PIGU: variants seen among roughly 807,000 people sequenced by gnomAD.
PIGU encodes phosphatidylinositol glycan anchor biosynthesis class U.
PIGU carries 24 observed loss-of-function variants against 49.9 expected under a neutral mutation model. The ratio of observed to expected loss-of-function variants is 0.48; its 90% confidence interval spans 0.35 to 0.68. PIGU has a LOEUF of 0.68. PIGU is among the 30% of genes least tolerant of loss of function. PIGU has a pLI of 0.01. For missense variants in PIGU, 490 were observed against 532.6 expected, an observed-to-expected ratio of 0.92 and a Z score of 0.79; for synonymous variants, 220 against 205.7, an observed-to-expected ratio of 1.07 and a Z score of -0.59.
At chr20:34,644,022 G>C in intron 4 of PIGU, 142 bp downstream of exon 4, 2 of 685,932 alleles carry the variant, frequency 2.9e-6, no homozygotes, top group Admixed American at 2.5e-5. Context: ...TCATTCCAGA[G>C]CTGGCTGAAC....
chr20:34,575,553 G>A (rs1477148246), intron 10 of PIGU, among the ~76,000 whole-genome samples: 3 of 152,128 alleles, frequency 2.0e-5, no homozygotes, highest in Non-Finnish European at 1.5e-5. Flanking sequence ...GGGCATTTCA[G>A]GAAGATATTC....
chr20:34,627,778 T>C (rs1985548799), intron 6 of PIGU, among the ~76,000 whole-genome samples: 1 of 152,144 alleles, frequency 6.6e-6, no homozygotes, highest in African/African-American at 2.4e-5. Context: ...CCTTGATAAA[T>C]GACAACCTAT....
intron 6 of PIGU, among the ~76,000 whole-genome samples, chr20:34,629,783 AAAT>A (rs762354451): frequency 2.0e-4 from 30 of 152,344 alleles, no homozygotes; most frequent in Admixed American, 3.9e-4. Flanking sequence ...TTTTAGTTAA[AAAT>A]AATAGATTGA....
chr20:34,638,604 TGAA>T (rs1446204061), intron 4 of PIGU, among the ~76,000 whole-genome samples: 1 of 152,180 alleles, frequency 6.6e-6, no homozygotes, highest in Non-Finnish European at 1.5e-5. Context: ...GTTCCATCCA[TGAA>T]GAAGTATTGT....
At chr20:34,674,290 G>A (rs189974543) in intron 1 of PIGU, among the ~76,000 whole-genome samples, 2 of 152,006 alleles carry the variant, frequency 1.3e-5, no homozygotes. Context: ...GGGAGGCGGA[G>A]GTTGCAGTGA....
intron 7 of PIGU, among the ~76,000 whole-genome samples, chr20:34,611,376 G>A (rs1474093526): frequency 2.6e-5 from 4 of 152,094 alleles, no homozygotes; most frequent in African/African-American, 7.2e-5. Flanking sequence ...GCCAGGTGCG[G>A]TGGCTTATGC....
At chr20:34,595,302 G>A (rs2146720981) in intron 7 of PIGU, among the ~76,000 whole-genome samples, 1 of 152,180 alleles carries the variant, frequency 6.6e-6, no homozygotes, top group East Asian at 1.9e-4. Context: ...AACATGTAGA[G>A]ATGTTTTTCT....
At chr20:34,637,514 C>T (rs562677263) in intron 5 of PIGU, among the ~76,000 whole-genome samples, 1 of 152,308 alleles carries the variant, frequency 6.6e-6, no homozygotes, top group Non-Finnish European at 1.5e-5. Context: ...AACATAAGAG[C>T]TGCTTGAAAT....
chr20:34,591,717 ATAT>A (rs1983996939), intron 7 of PIGU, among the ~76,000 whole-genome samples: 1 of 152,246 alleles, frequency 6.6e-6, no homozygotes, highest in East Asian at 1.9e-4. Context: ...AGTATACAAT[ATAT>A]TATTAACTAT....
chr20:34,667,531 C>T (rs113223602), intron 1 of PIGU, among the ~76,000 whole-genome samples: 10 of 151,016 alleles, frequency 6.6e-5, no homozygotes, highest in African/African-American at 1.7e-4. Context: ...AAGATGAAAG[C>T]GGTCCCAATG....
intron 7 of PIGU, among the ~76,000 whole-genome samples, chr20:34,609,754 G>A (rs1390032948): frequency 6.6e-6 from 1 of 152,112 alleles, no homozygotes; most frequent in African/African-American, 2.4e-5. Flanking sequence ...AGGCCCAGGT[G>A]ATATAATTTG....
chr20:34,604,221 A>G (rs1375920422), intron 7 of PIGU, among the ~76,000 whole-genome samples: 2 of 152,146 alleles, frequency 1.3e-5, no homozygotes, highest in Non-Finnish European at 2.9e-5. Flanking sequence ...ATATTTAGGG[A>G]AATTAAGAAT....
At chr20:34,595,291 G>A (rs1453128538) in intron 7 of PIGU, among the ~76,000 whole-genome samples, 1 of 152,024 alleles carries the variant, frequency 6.6e-6, no homozygotes, top group Non-Finnish European at 1.5e-5. Context: ...TGTCTGTACT[G>A]AACATGTAGA....
chr20:34,651,712 T>C (rs1028518878), intron 2 of PIGU, among the ~76,000 whole-genome samples: 11 of 152,180 alleles, frequency 7.2e-5, no homozygotes, highest in Non-Finnish European at 1.2e-4. Context: ...TATGCATGAA[T>C]GTGTCCTATA....
intron 7 of PIGU, among the ~76,000 whole-genome samples, chr20:34,603,935 A>G (rs1984523861): frequency 6.6e-6 from 1 of 151,898 alleles, no homozygotes; most frequent in Non-Finnish European, 1.5e-5. Context: ...AGTGAAGGTG[A>G]GAGAAATGAA....
intron 1 of PIGU, among the ~76,000 whole-genome samples, chr20:34,667,486 G>C (rs892121423): frequency 4.0e-5 from 6 of 151,722 alleles, no homozygotes; most frequent in African/African-American, 1.5e-4. Flanking sequence ...AAAAAAAAAA[G>C]TGAGATAGAG....
chr20:34,575,012 C>T (rs956836377), intron 11 of PIGU, 92 bp downstream of exon 11: 7 of 1,521,188 alleles, frequency 4.6e-6, no homozygotes, highest in Non-Finnish European at 6.3e-6. Context: ...GTCTGCACCC[C>T]CCGGTATGCA....
chr20:34,589,113 AC>A (rs1184768367), intron 7 of PIGU, among the ~76,000 whole-genome samples: 1 of 6,522 alleles, frequency 1.5e-4, no homozygotes, highest in East Asian at 4.8e-3. Context: ...TTACACACAC[AC>A]ACACACACAC....
At chr20:34,659,247 GAGGT>G (rs1986838869) in intron 1 of PIGU, among the ~76,000 whole-genome samples, 1 of 107,982 alleles carries the variant, frequency 9.3e-6, no homozygotes, top group Non-Finnish European at 2.1e-5. Flanking sequence ...GTCCGGGAGG[GAGGT>G]GGGGGGGTCA....
Sources: allele counts gnomAD v4.1 joint callset (sites outside exome capture counted in the v4.1 genomes callset), GRCh38; gene constraint gnomAD v4.1.1; transcripts MANE v1.5; gene names NCBI Gene and HGNC (gene_info 2026-07-23, HGNC 2026-07-21).